The following SLC14A2 variants were observed in gnomAD, a reference collection of about 807,000 sequenced individuals.
SLC14A2 encodes the protein solute carrier family 14 member 2, also known as urea transporter 2.
A neutral mutation model predicts 104.6 loss-of-function variants in SLC14A2; 91 were observed. The observed-to-expected ratio is 0.87, with a 90% CI of 0.73 to 1.04. SLC14A2 has a LOEUF of 1.04. Among genes scored for constraint, SLC14A2 ranks in the 50% least tolerant of loss-of-function variants. The pLI is 0.00. For missense variants in SLC14A2, 1,189 were observed against 1,156.0 expected (o/e 1.03, Z -0.41); for synonymous variants, 476 against 466.4 (o/e 1.02, Z -0.27).
intron 1 of SLC14A2, among the ~76,000 whole-genome samples, chr18:45,233,880 C>T (rs1184218223): frequency 1.3e-5 from 2 of 151,562 alleles, no homozygotes; most frequent in Non-Finnish European, 2.9e-5. Flanking sequence ...CACTTCCACT[C>T]ATTTGCCTCT....
At chr18:45,198,923 G>A in the SLC14A2 span, among the ~76,000 whole-genome samples, 1 of 151,986 alleles carries the variant, frequency 6.6e-6, no homozygotes, top group East Asian at 1.9e-4. Flanking sequence ...ACAATACCTA[G>A]TTTCTTTGTG....
At chr18:45,586,803 C>G (rs143353832) in intron 2 of SLC14A2, among the ~76,000 whole-genome samples, 5 of 152,062 alleles carry the variant, frequency 3.3e-5, no homozygotes, top group Admixed American at 1.3e-4. Context: ...ATCCCACAGA[C>G]CACACCCTTC....
intron 1 of SLC14A2, among the ~76,000 whole-genome samples, chr18:45,283,607 A>ATGTTATTAAATGTTAT (rs2084784825): frequency 1.3e-5 from 2 of 152,256 alleles, no homozygotes; most frequent in Non-Finnish European, 2.9e-5. Context: ...ATGTTATTAA[A>ATGTTATTAAATGTTAT]TCAGGTATAC....
chr18:45,499,129 G>C (rs2043150034), intron 2 of SLC14A2, among the ~76,000 whole-genome samples: 1 of 152,192 alleles, frequency 6.6e-6, no homozygotes, highest in South Asian at 2.1e-4. Flanking sequence ...GTGGAGAAGA[G>C]ACGAGAATCA....
intron 1 of SLC14A2, among the ~76,000 whole-genome samples, chr18:45,405,629 G>A (rs767199750): frequency 1.2e-4 from 18 of 152,174 alleles, no homozygotes; most frequent in Non-Finnish European, 2.1e-4. Flanking sequence ...TTGGCCGGGT[G>A]TGGTGGCTCT....
chr18:45,447,807 A>G (rs2086794323), intron 1 of SLC14A2, among the ~76,000 whole-genome samples: 1 of 152,222 alleles, frequency 6.6e-6, no homozygotes, highest in Non-Finnish European at 1.5e-5. Flanking sequence ...TAATCACTAG[A>G]TTAAAGCCTG....
At chr18:45,507,292 G>A (rs1392646154) in intron 2 of SLC14A2, 1 of 152,480 alleles carries the variant, frequency 6.6e-6, no homozygotes, top group African/African-American at 2.4e-5. Context: ...GAGCATTGAT[G>A]ACCGGCAGAG....
intron 1 of SLC14A2, among the ~76,000 whole-genome samples, chr18:45,401,213 TCAC>T (rs1259162880): frequency 2.6e-5 from 4 of 152,194 alleles, no homozygotes; most frequent in African/African-American, 9.6e-5. Flanking sequence ...ACATCATCCC[TCAC>T]CACAGTACAT....
chr18:45,239,289 C>T (rs182671017), intron 1 of SLC14A2, among the ~76,000 whole-genome samples: 15 of 152,350 alleles, frequency 9.8e-5, no homozygotes, highest in Non-Finnish European at 1.5e-4. Context: ...CCACTGTCCA[C>T]TGTTGGAACA....
intron 1 of SLC14A2, among the ~76,000 whole-genome samples, chr18:45,435,990 T>G (rs2086589991): frequency 6.6e-6 from 1 of 152,094 alleles, no homozygotes; most frequent in Non-Finnish European, 1.5e-5. Flanking sequence ...CAGCAGCATA[T>G]GACATGCCAG....
intron 1 of SLC14A2, among the ~76,000 whole-genome samples, chr18:45,276,995 A>G (rs933686138): frequency 2.0e-5 from 3 of 152,162 alleles, no homozygotes; most frequent in African/African-American, 7.2e-5. Flanking sequence ...ATTCTCTCCT[A>G]TTAGTTAAAA....
intron 2 of SLC14A2, among the ~76,000 whole-genome samples, chr18:45,583,398 T>C (rs1330967083): frequency 6.6e-6 from 1 of 152,188 alleles, no homozygotes; most frequent in Non-Finnish European, 1.5e-5. Context: ...ATTCACTGGG[T>C]TTCATTTTTA....
At chr18:45,625,555 C>T in intron 2 of SLC14A2, 128 bp from the exon 3 acceptor site, 1 of 648,076 alleles carries the variant, frequency 1.5e-6, no homozygotes, top group South Asian at 2.6e-5. Context: ...AGACAATGGG[C>T]ATGTGTTCCA....
At chr18:45,399,259 T>C (rs2144444770) in intron 1 of SLC14A2, among the ~76,000 whole-genome samples, 1 of 152,304 alleles carries the variant, frequency 6.6e-6, no homozygotes, top group East Asian at 1.9e-4. Flanking sequence ...CCATTCCAGA[T>C]TTTAAAGATA....
At position 45,682,776 on chromosome 18, in the gene SLC14A2, T is replaced by C. The variant is rs1292130461; in HGVS notation, c.*257T>C. ...TCCCTTTGTGGGGAACTTGCCCTCTTCTGCGAAATAAGCCTCATCCTTAAA... is the reference window on the plus strand; with the variant it reads ...TCCCTTTGTGGGGAACTTGCCCTCTCCTGCGAAATAAGCCTCATCCTTAAA... On this transcript the variant is annotated 3_prime_UTR_variant, in exon 20 of 20. Transcript: ENST00000255226. 3.2e-5 allele frequency: 14 copies of C among 431,016 alleles called. No individual in the cohort carries two copies. Among genetic ancestry groups the C allele is most frequent in the South Asian group, 3.2e-4 (14 of 43,712 alleles). The allele number at this position is 431,016 out of a possible 1,614,324, so 26.7% of individuals were successfully genotyped here.
chr18:45,198,254 T>C, the SLC14A2 span, among the ~76,000 whole-genome samples: 1 of 152,170 alleles, frequency 6.6e-6, no homozygotes, highest in Admixed American at 6.5e-5. Context: ...CACCCCTAAT[T>C]AATAATCATG....
chr18:45,669,993 T>C (rs1305598801), intron 16 of SLC14A2, among the ~76,000 whole-genome samples: 1 of 152,234 alleles, frequency 6.6e-6, no homozygotes, highest in Admixed American at 6.5e-5. Context: ...CTGGGCCTGG[T>C]GGCACATGCC....
intron 5 of SLC14A2, among the ~76,000 whole-genome samples, chr18:45,634,315 T>C (rs2045386396): frequency 6.6e-6 from 1 of 152,190 alleles, no homozygotes; most frequent in Non-Finnish European, 1.5e-5. Context: ...CAAGGAAAAG[T>C]CTCTATTCCC....
the SLC14A2 span, among the ~76,000 whole-genome samples, chr18:45,207,424 A>G: frequency 1.1e-4 from 16 of 151,596 alleles, no homozygotes; most frequent in African/African-American, 3.2e-4. Flanking sequence ...AGAGAGAAAG[A>G]AAAAAGAGAA....
Sources: gnomAD v4.1 joint callset for allele counts (sites outside exome capture counted in the v4.1 genomes callset) on GRCh38, gnomAD v4.1.1 for gene constraint, MANE v1.5 for transcripts, NCBI Gene and HGNC (gene_info 2026-07-23, HGNC 2026-07-21) for gene names.